Variants in DNAH12 observed in about 807,000 individuals in gnomAD.
The protein encoded by DNAH12 is dynein axonemal heavy chain 12.
DNAH12 carries 285 observed loss-of-function variants against 371.5 expected under a neutral mutation model. That is an observed-to-expected ratio of 0.77 (90% confidence interval 0.70 to 0.85). DNAH12 has a LOEUF of 0.85. Ranked by LOEUF, DNAH12 falls within the 40% of genes least tolerant of loss-of-function variation. DNAH12 has a pLI of 0.00. For missense variants in DNAH12, 3,611 were observed against 3,689.4 expected (o/e 0.98, Z 0.55); for synonymous variants, 1,200 against 1,213.0 (o/e 0.99, Z 0.22).
At chr3:57,322,214 T>C (rs2061822922) in intron 65 of DNAH12, 129 bp downstream of exon 65, 1 of 1,050,376 alleles carries the variant, frequency 9.5e-7, no homozygotes, top group East Asian at 2.7e-5. Flanking sequence ...TTTTGTCTTG[T>C]TAGGAAATGC....
At chr3:57,309,990 C>T in intron 67 of DNAH12, 136 bp from the exon 68 acceptor site, 1 of 672,304 alleles carries the variant, frequency 1.5e-6, no homozygotes, top group South Asian at 3.0e-5. Context: ...TTAACAGATA[C>T]AGAAAGAGGT....
At chr3:57,508,871 A>T (rs2067876577) in intron 6 of DNAH12, among the ~76,000 whole-genome samples, 2 of 152,202 alleles carry the variant, frequency 1.3e-5, no homozygotes, top group African/African-American at 4.8e-5. Flanking sequence ...ACTAAAGAAA[A>T]GCGCTGGAGA....
chr3:57,314,692 GA>G, intron 65 of DNAH12, 61 bp from the exon 66 acceptor site: 1 of 1,453,866 alleles, frequency 6.9e-7, no homozygotes, highest in Non-Finnish European at 9.1e-7. Context: ...TCAGTAAAAT[GA>G]GAGGAATAGA....
At chr3:57,434,026 T>C (rs2065041842) in intron 30 of DNAH12, among the ~76,000 whole-genome samples, 198 bp from the exon 31 acceptor site, 1 of 152,172 alleles carries the variant, frequency 6.6e-6, no homozygotes, top group South Asian at 2.1e-4. Flanking sequence ...GTAATATTAT[T>C]TTCTCCAAAA....
chr3:57,523,540 CT>C, intron 4 of DNAH12, 42 bp downstream of exon 4: 1 of 1,522,482 alleles, frequency 6.6e-7, no homozygotes, highest in South Asian at 1.3e-5. Context: ...GCAATAATTT[CT>C]TTGAACATTT....
At position 57,504,013 on chromosome 3, in the gene DNAH12, T is replaced by C. The variant is rs1257895523; in HGVS notation, c.1086+3A>G. 1 of 1,609,828 alleles carries C rather than the reference T, an allele frequency of 6.2e-7. No homozygotes were observed. The highest frequency in any genetic ancestry group is 8.5e-7 in the Non-Finnish European group (1 of 1,177,136). On this transcript the variant is annotated splice_donor_region_variant and intron_variant, in intron 9 of 73. Transcript: ENST00000495027. ...TCTTTCCCGATGGGTAAAGATGTAA[T>C]ACCTGCAGAGCTTCGGCTATTCGTT...
chr3:57,374,737 A>C (rs2063246030), intron 55 of DNAH12, among the ~76,000 whole-genome samples: 1 of 150,670 alleles, frequency 6.6e-6, no homozygotes, highest in Admixed American at 6.7e-5. Context: ...GTACCAATGC[A>C]TGCAATAACA....
In DNAH12 at chr3:57,322,377, G is replaced by C. The variant is rs1456756244; in HGVS notation, c.10490C>G (p.Pro3497Arg). 1.3e-6 allele frequency: 2 copies of C among 1,551,554 alleles called. No homozygotes were observed. Among genetic ancestry groups the C allele is most frequent in the African/African-American group, 2.7e-5 (2 of 73,004 alleles). The change falls in exon 65 of 74, where the codon CCT becomes CGT. Residue 3497 changes from proline to arginine, a missense_variant. Around this residue, in one of 3 missense-constraint regions of DNAH12, gnomAD observed 2,266 missense variants for 2,236.9 expected, o/e 1.01. Coordinates refer to ENST00000495027, the MANE Select transcript of DNAH12 (RefSeq NM_001366028.2). ...TCCACGGCATCCCTTGAAAAACTCA[G>C]GATCAGAAACTGGATCAGTGAGATA... Reference protein sequence around the residue: ...QSYLTDPVSDPEFFKGCRGKE... With the variant: ...QSYLTDPVSDREFFKGCRGKE...
chr3:57,323,580 C>A lies in DNAH12; in HGVS notation c.10018G>T (p.Gly3340Trp). Residue 3340 changes from glycine (G) to tryptophan (W), a missense_variant, in exon 63 of 74, where the codon GGG (glycine) becomes TGG (tryptophan). Physicochemically the swap from Gly to Trp is radical, Grantham distance 184. Coordinates refer to ENST00000495027, the MANE Select transcript of DNAH12 (RefSeq NM_001366028.2). ...GGTGGAGGCTCTACAAACTTTTTCC[C>A]TAGTTTGTCAGTTACATAGTTTGTT... ...AITNYVTDKL[G>W]KKFVEPPPFD... 6.5e-7 allele frequency: 1 copy of A among 1,550,144 alleles called. No homozygotes were observed. Among genetic ancestry groups the A allele is most frequent in the South Asian group, 1.2e-5 (1 of 83,628 alleles).
chr3:57,514,584 G>A (rs867579651), intron 4 of DNAH12, among the ~76,000 whole-genome samples: 5 of 152,006 alleles, frequency 3.3e-5, no homozygotes, highest in Non-Finnish European at 4.4e-5. Context: ...AAGTATGGGG[G>A]CATGGGAACA....
intron 69 of DNAH12, among the ~76,000 whole-genome samples, chr3:57,307,931 A>G (rs939595601): frequency 3.9e-5 from 6 of 152,136 alleles, no homozygotes; most frequent in Non-Finnish European, 5.9e-5. Context: ...CAAGCCACTA[A>G]CCTGCCTCTT....
At chr3:57,511,124 A>G in intron 4 of DNAH12, 145 bp from the exon 5 acceptor site, 1 of 560,114 alleles carries the variant, frequency 1.8e-6, no homozygotes, top group Non-Finnish European at 2.9e-6. Context: ...CATTTAATCC[A>G]AAAGTACATC....
At chr3:57,525,461 T>C (rs550001638) in intron 2 of DNAH12, among the ~76,000 whole-genome samples, 128 of 152,212 alleles carry the variant, frequency 8.4e-4, no homozygotes, top group Non-Finnish European at 1.6e-3. Flanking sequence ...GAGAGAACCA[T>C]GAGAGTACTG....
intron 13 of DNAH12, among the ~76,000 whole-genome samples, chr3:57,482,073 G>T (rs535235289): frequency 6.6e-6 from 1 of 152,074 alleles, no homozygotes; most frequent in African/African-American, 2.4e-5. Flanking sequence ...TGACAAATGG[G>T]ATCTAATTAA....
intron 34 of DNAH12, chr3:57,428,269 C>A: frequency 1.2e-6 from 1 of 834,786 alleles, no homozygotes; most frequent in Non-Finnish European, 1.6e-6. Context: ...TTATGACAGC[C>A]CTGGGAAGCT....
intron 69 of DNAH12, among the ~76,000 whole-genome samples, chr3:57,302,567 A>ATATATTTTTT (rs2061380979): frequency 3.6e-5 from 1 of 27,480 alleles, no homozygotes; most frequent in Admixed American, 7.2e-4. Context: ...ATATATATGT[A>ATATATTTTTT]TTTTTTTTTT....
intron 52 of DNAH12, among the ~76,000 whole-genome samples, chr3:57,378,114 G>A (rs2063318958): frequency 6.6e-6 from 1 of 152,150 alleles, no homozygotes; most frequent in African/African-American, 2.4e-5. Context: ...TCTGACTTCA[G>A]AGAAGACATT....
intron 39 of DNAH12, among the ~76,000 whole-genome samples, chr3:57,410,059 T>C (rs782054318): frequency 3.3e-5 from 5 of 152,242 alleles, no homozygotes; most frequent in Admixed American, 2.0e-4. Flanking sequence ...GGGGGAATGG[T>C]ACTTTGAAGG....
In DNAH12 at chr3:57,440,990, T is replaced by C. The variant is rs74780377; in HGVS notation, c.4545+3707A>G. ...GGGTAACAGAGCAAGACCCTAACTC[T>C]AAATAGTCACTTCATAACAGAACCA... On this transcript the variant is annotated intron_variant, in intron 29 of 73. Transcript: ENST00000495027. Among the ~76,000 whole-genome samples the C allele has an allele frequency of 1.0e-3, 158 of 152,184 alleles. 2 individuals are homozygous for C. The highest frequency in any genetic ancestry group is 7.5e-3 in the East Asian group (39 of 5,174).
Sources: allele counts gnomAD v4.1 joint callset (sites outside exome capture counted in the v4.1 genomes callset), GRCh38; gene constraint gnomAD v4.1.1; regional missense constraint gnomAD v4.1.1; transcripts MANE v1.5; gene names NCBI Gene and HGNC (gene_info 2026-07-23, HGNC 2026-07-21).